DNAH14: variants seen among roughly 807,000 people sequenced by gnomAD.
DNAH14 encodes axonemal beta dynein heavy chain 14.
In DNAH14, 478 loss-of-function variants were observed where a neutral mutation model predicts 520.9. The ratio of observed to expected loss-of-function variants is 0.92; its 90% confidence interval spans 0.85 to 0.99. DNAH14 has a LOEUF of 0.99. Among genes scored for constraint, DNAH14 ranks in the 50% least tolerant of loss-of-function variants. The probability of loss-of-function intolerance (pLI) is 0.00; values close to 1 mark genes in which losing one functional copy is unlikely to be tolerated. For missense variants in DNAH14, 4,831 were observed against 5,234.5 expected, an observed-to-expected ratio of 0.92 and a Z score of 2.38; for synonymous variants, 1,581 against 1,757.2, an observed-to-expected ratio of 0.90 and a Z score of 2.51.
intron 41 of DNAH14, among the ~76,000 whole-genome samples, chr1:225,229,488 A>C (rs1241980467): frequency 6.6e-6 from 1 of 152,224 alleles, no homozygotes; most frequent in Non-Finnish European, 1.5e-5. Context: ...TTGTAGCACT[A>C]GTCACAATAG....
At chr1:225,206,877 G>T (rs1043371228) in intron 40 of DNAH14, 91 bp from the exon 41 acceptor site, 4 of 1,092,930 alleles carry the variant, frequency 3.7e-6, no homozygotes, top group Non-Finnish European at 3.7e-6. Flanking sequence ...TTATGAGAGG[G>T]CAGTGGTGAA....
At chr1:225,198,222 T>A (rs1342420791) in intron 38 of DNAH14, among the ~76,000 whole-genome samples, 2 of 72,856 alleles carry the variant, frequency 2.7e-5, no homozygotes, top group African/African-American at 1.3e-4. Context: ...TGTATGCCAA[T>A]TTTTTTTTTT....
At chr1:224,937,936 A>G (rs75768355) in intron 1 of DNAH14, among the ~76,000 whole-genome samples, 2,247 of 152,292 alleles carry the variant, frequency 0.015, 54 homozygotes, top group African/African-American at 0.051. Flanking sequence ...GTCACCAAGA[A>G]CATTCAGTGG....
chr1:225,374,541 G>A (rs946401828), intron 77 of DNAH14, 147 bp from the exon 78 acceptor site: 39 of 693,118 alleles, frequency 5.6e-5, no homozygotes, highest in African/African-American at 1.1e-4. Flanking sequence ...GATTACAGGC[G>A]TGAGCCACTG....
At chr1:225,254,210 G>A (rs1026881162) in intron 44 of DNAH14, among the ~76,000 whole-genome samples, 1 of 151,944 alleles carries the variant, frequency 6.6e-6, no homozygotes, top group East Asian at 1.9e-4. Context: ...CTGACATATA[G>A]ACCATGGGCT....
At chr1:225,192,957 T>G in intron 38 of DNAH14, 46 bp downstream of exon 38, 2 of 1,385,736 alleles carry the variant, frequency 1.4e-6, no homozygotes, top group Non-Finnish European at 9.9e-7. Context: ...TAATGTGGAT[T>G]ATTTAATTGC....
intron 51 of DNAH14, among the ~76,000 whole-genome samples, chr1:225,272,280 G>A (rs2093335935): frequency 1.3e-5 from 2 of 152,308 alleles, no homozygotes; most frequent in African/African-American, 2.4e-5. Flanking sequence ...CCCTAAGAGT[G>A]TTAGAATATT....
chr1:225,112,650 T>C (rs2076571240), intron 23 of DNAH14, among the ~76,000 whole-genome samples: 1 of 152,102 alleles, frequency 6.6e-6, no homozygotes, highest in African/African-American at 2.4e-5. Context: ...CTAGATCTTG[T>C]AGTCATGCTT....
At chr1:225,097,502 G>A (rs3105568) in intron 22 of DNAH14, among the ~76,000 whole-genome samples, 30,719 of 152,008 alleles carry the variant, frequency 0.2, 6,445 homozygotes, top group African/African-American at 0.52. Context: ...GGCTGGGCAC[G>A]TTCACTCACG....
chr1:225,213,507 A>G (rs1031680356), intron 41 of DNAH14, among the ~76,000 whole-genome samples: 1 of 152,176 alleles, frequency 6.6e-6, no homozygotes. Context: ...CAGTATGGCC[A>G]TTTTCACAAT....
chr1:225,214,581 C>A (rs1275961870), intron 41 of DNAH14, among the ~76,000 whole-genome samples: 1 of 152,162 alleles, frequency 6.6e-6, no homozygotes, highest in Admixed American at 6.5e-5. Context: ...GCCTCAATTT[C>A]AGAGTCTGTT....
chr1:225,339,035 G>A (rs193262042), intron 68 of DNAH14, among the ~76,000 whole-genome samples: 12 of 151,830 alleles, frequency 7.9e-5, no homozygotes, highest in Admixed American at 4.6e-4. Context: ...GGTGGCGCAC[G>A]CCTGTAATCC....
chr1:225,299,466 A>G (rs1349947523), intron 55 of DNAH14, among the ~76,000 whole-genome samples: 1 of 152,142 alleles, frequency 6.6e-6, no homozygotes, highest in Non-Finnish European at 1.5e-5. Flanking sequence ...ACGAAACTCC[A>G]TAATATCCAG....
intron 55 of DNAH14, among the ~76,000 whole-genome samples, chr1:225,295,561 T>C (rs915866007): frequency 3.9e-5 from 6 of 152,196 alleles, no homozygotes; most frequent in African/African-American, 1.4e-4. Context: ...GTTTTGAATG[T>C]TGCTCTTGTT....
In DNAH14 at chr1:224,964,557, AC is replaced by A. The variant is rs1397909885; in HGVS notation, c.447del (p.His149GlnfsTer3). 6.2e-7 allele frequency: 1 copy of A among 1,607,894 alleles called. No homozygotes were observed. The highest frequency in any genetic ancestry group is 8.5e-7 in the Non-Finnish European group (1 of 1,176,456). On this transcript the variant is annotated frameshift_variant, in exon 5 of 86. Coordinates refer to ENST00000682510, the MANE Select transcript of DNAH14 (RefSeq NM_001367479.1). LOFTEE classifies it high-confidence loss of function. Reference sequence around the variant, plus strand: ...GGTTGGCAAACTATATTACCGCAGCACAGTTTGAAATACGGAAGCTCCAAAA... The same window carrying A: ...GGTTGGCAAACTATATTACCGCAGCAAGTTTGAAATACGGAAGCTCCAAAA... ...KLGWQTILPQ[H>X]SLKYGSSKIA...
At chr1:225,211,094 TCTC>T (rs1184579075) in intron 41 of DNAH14, among the ~76,000 whole-genome samples, 1 of 152,114 alleles carries the variant, frequency 6.6e-6, no homozygotes, top group Non-Finnish European at 1.5e-5. Context: ...GAATGCCTCT[TCTC>T]CTCCAAAGGA....
chr1:224,952,578 G>A (rs1229649045), intron 1 of DNAH14, 92 bp from the exon 2 acceptor site: 2 of 617,438 alleles, frequency 3.2e-6, no homozygotes, highest in Non-Finnish European at 5.1e-6. Context: ...CTATTGAGAA[G>A]CTGGGAACTA....
chr1:225,392,082 C>T (rs1298519065), intron 83 of DNAH14, among the ~76,000 whole-genome samples: 1 of 152,148 alleles, frequency 6.6e-6, no homozygotes, highest in African/African-American at 2.4e-5. Flanking sequence ...CCACATTCAC[C>T]AGGAGGCTCC....
intron 17 of DNAH14, among the ~76,000 whole-genome samples, chr1:225,057,865 C>T (rs1440070351): frequency 6.6e-6 from 1 of 152,198 alleles, no homozygotes; most frequent in Non-Finnish European, 1.5e-5. Flanking sequence ...AGCCTTGCAT[C>T]CCAGGCATGA....
Sources: gnomAD v4.1 joint callset for allele counts (sites outside exome capture counted in the v4.1 genomes callset) on GRCh38, gnomAD v4.1.1 for gene constraint, MANE v1.5 for transcripts, NCBI Gene and HGNC (gene_info 2026-07-23, HGNC 2026-07-21) for gene names.